Variants in FKTN observed in about 807,000 individuals in gnomAD.
FKTN encodes ribitol-5-phosphate transferase FKTN.
In FKTN, 47 loss-of-function variants were observed where a neutral mutation model predicts 58.6. The ratio of observed to expected loss-of-function variants is 0.80; its 90% CI spans 0.63 to 1.02. The LOEUF (loss-of-function observed/expected upper bound fraction) is 1.02, where lower values mean the gene tolerates loss of function less well. Ranked by LOEUF, FKTN falls within the 50% of genes least tolerant of loss-of-function variation. The probability of loss-of-function intolerance (pLI) is 0.00; values close to 1 mark genes in which losing one functional copy is unlikely to be tolerated. For synonymous variants in FKTN, 178 were observed against 191.9 expected, an observed-to-expected ratio of 0.93 and a Z score of 0.60; for missense variants, 516 against 537.3, an observed-to-expected ratio of 0.96 and a Z score of 0.39.
At chr9:105,610,483 A>G (rs1829717710) in intron 7 of FKTN, among the ~76,000 whole-genome samples, 1 of 151,934 alleles carries the variant, frequency 6.6e-6, no homozygotes, top group South Asian at 2.1e-4. Context: ...ATTGACCTTA[A>G]TGTTTACTTA....
In FKTN at chr9:105,635,165, T is replaced by A. The variant is rs2133452264; in HGVS notation, c.1287T>A (p.Ile429=). 1 of 1,614,164 alleles carries A rather than the reference T, an allele frequency of 6.2e-7. No homozygotes were observed. The highest frequency in any genetic ancestry group is 8.5e-7 in the Non-Finnish European group (1 of 1,180,018). Residue 429 remains isoleucine (I), a synonymous_variant, in exon 11 of 11, where the codon ATT becomes ATA. Transcript: ENST00000357998. ...CCAACTATGGTAAGACCTGGAAGAT[T>A]CCTGTAAAGACGTGGGACTGGAAGC... ...IEANYGKTWK[I]PVKTWDWKRS...
At chr9:105,618,212 TAGGA>T in intron 9 of FKTN, 120 bp downstream of exon 9, 1 of 851,252 alleles carries the variant, frequency 1.2e-6, no homozygotes, top group Non-Finnish European at 2.0e-6. Context: ...CAGTATTGAC[TAGGA>T]TGAGTTCAGC....
At chr9:105,587,215 G>A (rs983641653) in intron 3 of FKTN, among the ~76,000 whole-genome samples, 12 of 152,048 alleles carry the variant, frequency 7.9e-5, no homozygotes, top group African/African-American at 2.9e-4. Flanking sequence ...TCAGCTGTTT[G>A]TATTATCTAG....
intron 5 of FKTN, among the ~76,000 whole-genome samples, chr9:105,603,181 G>T (rs76024630): frequency 6.6e-6 from 1 of 152,048 alleles, no homozygotes; most frequent in South Asian, 2.1e-4. Context: ...CCAAGGTCAC[G>T]TTCTTCTCAA....
chr9:105,630,900 G>A (rs916358326), intron 10 of FKTN, among the ~76,000 whole-genome samples: 12 of 152,126 alleles, frequency 7.9e-5, no homozygotes, highest in East Asian at 5.8e-4. Flanking sequence ...TAGGGAGGCC[G>A]AGGCAGGTGG....
At position 105,558,636 on chromosome 9, in the gene FKTN, G is replaced by GA. The variant is rs562757053; in HGVS notation, c.-181+485dup. On this transcript the variant is annotated intron_variant, in intron 1 of 10. Coordinates refer to ENST00000357998, the MANE Select transcript of FKTN (RefSeq NM_001079802.2). ...CTTGGCTTCAGTTTTGTCAGATGTG[G>GA]AAAAAAAAAAAAAAGGACCTAGATG... is the stretch of plus-strand genomic sequence containing the variant. Among the ~76,000 whole-genome samples the GA allele has an allele frequency of 3.0e-3, 398 of 133,262 alleles. 2 individuals carry two copies. The highest frequency in any genetic ancestry group is 0.012 in the South Asian group (48 of 4,124). The allele number at this position is 133,262 out of a possible 152,430, so 87.4% of individuals were successfully genotyped here.
At chr9:105,560,436 C>T (rs953491766) in intron 1 of FKTN, among the ~76,000 whole-genome samples, 1 of 152,038 alleles carries the variant, frequency 6.6e-6, no homozygotes, top group East Asian at 1.9e-4. Context: ...CAAATATGGC[C>T]GTTATTAAGC....
At position 105,638,428 on chromosome 9, in the gene FKTN, A is replaced by C. The variant is rs1437353979; in HGVS notation, c.*3164A>C. On this transcript the variant is annotated 3_prime_UTR_variant, in exon 11 of 11. Coordinates refer to ENST00000357998, the MANE Select transcript of FKTN (RefSeq NM_001079802.2). Reference sequence around the variant, plus strand: ...ATGCCTTCTCTCCAGACAATAAGACAGTTCACATCTGGAGACATCAGCCTT... The same window carrying C: ...ATGCCTTCTCTCCAGACAATAAGACCGTTCACATCTGGAGACATCAGCCTT... 9 of 985,458 alleles carry C rather than the reference A, an allele frequency of 9.1e-6. No individual in the cohort carries two copies. The East Asian group carries it at 1.0e-3, about 112-fold the overall frequency. The allele number at this position is 985,458 out of a possible 1,614,324, so 61.0% of individuals were successfully genotyped here. A position where few individuals can be genotyped will look rare whatever the true frequency, so the allele number is the denominator to read the frequency against.
rs140194384 is a variant in FKTN, at chr9:105,630,624, T to G, written c.1173-4427T>G. ...GGACATGAACAATACCAAAAAAAAT[T>G]TTTTAAGGGAAATTACTGTCTCAGT... On this transcript the variant is annotated intron_variant, in intron 10 of 10. Coordinates refer to ENST00000357998, the MANE Select transcript of FKTN (RefSeq NM_001079802.2). 1.8e-3 allele frequency among the ~76,000 whole-genome samples: 277 copies of G among 152,224 alleles called. 2 individuals are homozygous for G. Among genetic ancestry groups the G allele is most frequent in the African/African-American group, 6.4e-3 (266 of 41,546 alleles).
Position 105,593,804 on chromosome 9 carries a change from A to G in FKTN, c.106-2794A>G, listed in dbSNP as rs140271637. 2.7e-4 allele frequency among the ~76,000 whole-genome samples: 41 copies of G among 152,292 alleles called. No homozygotes were observed. The East Asian group carries it at 7.9e-3, about 29-fold the overall frequency. On this transcript the variant is annotated intron_variant, in intron 3 of 10. Coordinates refer to ENST00000357998, the MANE Select transcript of FKTN (RefSeq NM_001079802.2). ...AACAATTCTTGGTATATCAAATAAG[A>G]TAAGTATTGATAATTGACCGTTGGA...
chr9:105,597,239 TG>T (rs1403689618), intron 4 of FKTN, among the ~76,000 whole-genome samples: 2 of 152,178 alleles, frequency 1.3e-5, no homozygotes, highest in Non-Finnish European at 2.9e-5. Flanking sequence ...GCATACATTA[TG>T]GGAATGACCA....
intron 3 of FKTN, among the ~76,000 whole-genome samples, chr9:105,582,337 G>A (rs967986548): frequency 1.3e-5 from 2 of 152,112 alleles, no homozygotes; most frequent in African/African-American, 4.8e-5. Context: ...AGGACTACAG[G>A]CACATGCCAT....
At chr9:105,567,303 T>TC (rs1273056358) in intron 1 of FKTN, among the ~76,000 whole-genome samples, 2 of 152,076 alleles carry the variant, frequency 1.3e-5, no homozygotes, top group Non-Finnish European at 2.9e-5. Context: ...GCCAGGGCAA[T>TC]CAGGCAGGAG....
chr9:105,627,086 C>A (rs1832837091), intron 10 of FKTN, among the ~76,000 whole-genome samples: 1 of 151,506 alleles, frequency 6.6e-6, no homozygotes, highest in Non-Finnish European at 1.5e-5. Context: ...AGTTCTCATG[C>A]CTCAGCCTCC....
chr9:105,619,614 C>CT (rs569254239), intron 9 of FKTN, among the ~76,000 whole-genome samples: 90 of 151,834 alleles, frequency 5.9e-4, no homozygotes, highest in African/African-American at 2.0e-3. Flanking sequence ...GGTTCTTTTC[C>CT]TTTTTTAGTC....
chr9:105,640,238 T>C lies in FKTN; in HGVS notation c.*4974T>C. ...AGGTCCTGTGCTTAAAGGAGGCAAG[T>C]ATAAATTTTCTAATAAGAAATCCCT... On this transcript the variant is annotated 3_prime_UTR_variant, in exon 11 of 11. Coordinates refer to ENST00000357998, the MANE Select transcript of FKTN (RefSeq NM_001079802.2). 7.2e-7 allele frequency: 1 copy of C among 1,380,152 alleles called. No individual in the cohort carries two copies. Among genetic ancestry groups the C allele is most frequent in the Non-Finnish European group, 9.5e-7 (1 of 1,052,484 alleles). 85.5% of individuals were successfully genotyped at this position (1,380,152 alleles called of 1,614,324 possible).
chr9:105,593,541 G>A (rs1368707245), intron 3 of FKTN, among the ~76,000 whole-genome samples: 1 of 152,128 alleles, frequency 6.6e-6, no homozygotes, highest in Non-Finnish European at 1.5e-5. Context: ...AGTGTTGTAA[G>A]CATATAGATG....
chr9:105,601,227 TTAA>T lies in FKTN; in HGVS notation c.252_254del (p.Asn84del). 6.2e-7 allele frequency: 1 copy of T among 1,610,540 alleles called. No homozygotes were observed. The highest frequency in any genetic ancestry group is 8.5e-7 in the Non-Finnish European group (1 of 1,177,046). On this transcript the variant is annotated inframe_deletion, in exon 5 of 11. Coordinates refer to ENST00000357998, the MANE Select transcript of FKTN (RefSeq NM_001079802.2). ...ATTGATCCTTTGATACTGGAATTGA[TTAA>T]TAAGAACTTTGAACAAGTCAAAAAT... is the stretch of plus-strand genomic sequence containing the variant.
In FKTN at chr9:105,573,713, A is replaced by G. The variant is rs1029905624; in HGVS notation, c.-122A>G. The stretch of plus-strand genomic sequence containing the variant: ...AACATACGGTCATCAACATCCTTGT[A>G]TAACCTAGTTTTTAAAAAAATTGGA... On this transcript the variant is annotated 5_prime_UTR_variant, in exon 2 of 11. Coordinates refer to ENST00000357998, the MANE Select transcript of FKTN (RefSeq NM_001079802.2). 1 of 152,178 alleles carries G rather than the reference A, an allele frequency of 6.6e-6. No homozygotes were observed. Among genetic ancestry groups the G allele is most frequent in the Non-Finnish European group, 1.5e-5 (1 of 68,044 alleles). 9.4% of individuals were successfully genotyped at this position (152,178 alleles called of 1,614,324 possible). A position where few individuals can be genotyped will look rare whatever the true frequency, so the allele number is the denominator to read the frequency against.
Sources: gnomAD v4.1 joint callset for allele counts (sites outside exome capture counted in the v4.1 genomes callset) on GRCh38, gnomAD v4.1.1 for gene constraint, MANE v1.5 for transcripts, NCBI Gene and HGNC (gene_info 2026-07-23, HGNC 2026-07-21) for gene names.